TNIK: variants seen among roughly 807,000 people sequenced by gnomAD.
The protein encoded by TNIK is TRAF2 and NCK-interacting protein kinase.
A neutral mutation model predicts 191.3 loss-of-function variants in TNIK; 49 were observed. That is an observed-to-expected ratio of 0.26 (90% CI 0.20 to 0.32). TNIK has a LOEUF of 0.32. Ranked by LOEUF, TNIK falls within the 10% of genes least tolerant of loss-of-function variation. The probability of loss-of-function intolerance (pLI) is 1.00; values close to 1 mark genes in which losing one functional copy is unlikely to be tolerated. For synonymous variants in TNIK, 594 were observed against 600.9 expected, an observed-to-expected ratio of 0.99 and a Z score of 0.17; for missense variants, 1,155 against 1,702.3, an observed-to-expected ratio of 0.68 and a Z score of 5.66.
chr3:171,355,191 C>T (rs1713851678), intron 2 of TNIK, among the ~76,000 whole-genome samples: 2 of 152,158 alleles, frequency 1.3e-5, no homozygotes, highest in South Asian at 4.1e-4. Flanking sequence ...ATTTCCCCAT[C>T]CTACAGCAGA....
chr3:171,304,339 T>C (rs1753187159), intron 2 of TNIK, among the ~76,000 whole-genome samples: 6 of 152,012 alleles, frequency 3.9e-5, no homozygotes, highest in Admixed American at 3.9e-4. Context: ...AGAATGGCGA[T>C]CATTAAAAAG....
At chr3:171,105,913 C>T (rs937330143) in intron 21 of TNIK, among the ~76,000 whole-genome samples, 13 of 152,164 alleles carry the variant, frequency 8.5e-5, no homozygotes, top group Admixed American at 7.9e-4. Flanking sequence ...GCCCTTCTCA[C>T]TATTATGAGA....
intron 4 of TNIK, among the ~76,000 whole-genome samples, chr3:171,198,406 C>A (rs1320337776): frequency 6.6e-6 from 1 of 152,064 alleles, no homozygotes; most frequent in Non-Finnish European, 1.5e-5. Flanking sequence ...ACAGGAATGA[C>A]TACTTAATGG....
chr3:171,171,554 C>G (rs541628843), intron 9 of TNIK, among the ~76,000 whole-genome samples: 2 of 152,302 alleles, frequency 1.3e-5, no homozygotes, highest in South Asian at 4.2e-4. Flanking sequence ...TATGATTTTT[C>G]TAATGACCTC....
At chr3:171,385,600 T>C (rs923143339) in intron 1 of TNIK, among the ~76,000 whole-genome samples, 2 of 152,006 alleles carry the variant, frequency 1.3e-5, no homozygotes, top group Non-Finnish European at 2.9e-5. Context: ...CGGAGCTGAA[T>C]GGAAAAGGTG....
intron 2 of TNIK, among the ~76,000 whole-genome samples, chr3:171,233,931 T>G (rs1026069398): frequency 3.3e-5 from 5 of 152,220 alleles, no homozygotes; most frequent in African/African-American, 1.2e-4. Flanking sequence ...ATAATTATTT[T>G]GCTCATAAAT....
intron 18 of TNIK, among the ~76,000 whole-genome samples, chr3:171,112,657 C>G (rs186280520): frequency 6.6e-6 from 1 of 151,988 alleles, no homozygotes; most frequent in Admixed American, 6.6e-5. Flanking sequence ...TCTTTTGTAT[C>G]TATCTATAGA....
chr3:171,159,518 T>C lies in TNIK; in HGVS notation c.1016+1752A>G, dbSNP rs774599892. ...AGCCTTCTCTAAAACTTAGAGCCTT[T>C]GTGTCAAACTCTAAAACCCCAAACG... On this transcript the variant is annotated intron_variant, in intron 11 of 32. Transcript: ENST00000436636. This position sits in a 1 kb window ranked among gnomAD's most constrained non-coding sequence, Gnocchi z 4.1. Among the ~76,000 whole-genome samples, 4 of 152,150 alleles carry C rather than the reference T, an allele frequency of 2.6e-5. No individual in the cohort carries two copies. Among genetic ancestry groups the C allele is most frequent in the Non-Finnish European group, 4.4e-5 (3 of 68,028 alleles).
chr3:171,453,586 A>G (rs1728450005), intron 1 of TNIK, among the ~76,000 whole-genome samples: 1 of 152,198 alleles, frequency 6.6e-6, no homozygotes, highest in Non-Finnish European at 1.5e-5. Context: ...AAGGCCTTGA[A>G]TAAAAACAAC....
intron 27 of TNIK, among the ~76,000 whole-genome samples, chr3:171,080,603 T>C (rs1335369260): frequency 6.6e-6 from 1 of 152,124 alleles, no homozygotes. Flanking sequence ...CATGCTCAGC[T>C]AATTTTTATA....
rs1303640990 is a variant in TNIK, at chr3:171,063,540, AAACCT to A, written c.*336_*340del. The A allele has an allele frequency of 1.6e-5, 3 of 184,204 alleles. No homozygotes were observed. The highest frequency in any genetic ancestry group is 3.4e-5 in the Non-Finnish European group (3 of 89,268). 11.4% of individuals were successfully genotyped at this position (184,204 alleles called of 1,614,324 possible). A position where few individuals can be genotyped will look rare whatever the true frequency, so the allele number is the denominator to read the frequency against. ...GTAAAGGGGTAAAGAAAAAAGGTAA[AAACCT>A]GAAAACCCACCATAACACAGCTTAA... On this transcript the variant is annotated 3_prime_UTR_variant, in exon 33 of 33. Coordinates refer to ENST00000436636, the MANE Select transcript of TNIK (RefSeq NM_015028.4).
At chr3:171,318,362 C>T (rs892343936) in intron 2 of TNIK, among the ~76,000 whole-genome samples, 5 of 152,180 alleles carry the variant, frequency 3.3e-5, no homozygotes, top group Admixed American at 1.3e-4. Context: ...TCCAAGTAAT[C>T]ATTTTCCAAA....
chr3:171,316,884 T>C (rs1489266598), intron 2 of TNIK, among the ~76,000 whole-genome samples: 1 of 149,424 alleles, frequency 6.7e-6, no homozygotes, highest in East Asian at 1.9e-4. Flanking sequence ...ATACAAGCGA[T>C]TACATTTTAT....
Position 171,228,163 on chromosome 3 carries a change from A to G in TNIK, c.180+2T>C. The G allele has an allele frequency of 1.9e-6, 3 of 1,613,552 alleles. No individual in the cohort carries two copies. Among genetic ancestry groups the G allele is most frequent in the Non-Finnish European group, 2.5e-6 (3 of 1,179,584 alleles). ...TTGAGATGGCAAAATAAAGACACTTACCCCTGTGACATCCATAACCTTGAT... is the reference window on the plus strand; with the variant it reads ...TTGAGATGGCAAAATAAAGACACTTGCCCCTGTGACATCCATAACCTTGAT... On this transcript the variant is annotated splice_donor_variant, in intron 3 of 32. Coordinates refer to ENST00000436636, the MANE Select transcript of TNIK (RefSeq NM_015028.4). LOFTEE classifies it high-confidence loss of function.
At chr3:171,129,548 C>T (rs1728963064) in intron 15 of TNIK, among the ~76,000 whole-genome samples, 1 of 152,164 alleles carries the variant, frequency 6.6e-6, no homozygotes, top group Admixed American at 6.5e-5. Context: ...TTGGACTCCA[C>T]TGTCTTGCTC....
chr3:171,071,330 T>A lies in TNIK; in HGVS notation c.3449-7A>T, dbSNP rs192304760. The stretch of plus-strand genomic sequence containing the variant: ...TTGATCCTTTCATATTTAACTGTAA[T>A]AGAAAAATTATGAGTGAAAAAGTAC... On this transcript the variant is annotated splice_region_variant and splice_polypyrimidine_tract_variant and intron_variant, in intron 28 of 32. Transcript: ENST00000436636. 5.9e-3 allele frequency: 9,105 copies of A among 1,555,952 alleles called. 52 individuals are homozygous for A. Among genetic ancestry groups the A allele is most frequent in the South Asian group, 0.014 (1,148 of 83,102 alleles).
In TNIK at chr3:171,089,822, G is replaced by A. The variant is rs530042563; in HGVS notation, c.2722-2316C>T. Among the ~76,000 whole-genome samples, 5 of 152,282 alleles carry A rather than the reference G, an allele frequency of 3.3e-5. No homozygotes were observed. In the South Asian group the frequency reaches 8.3e-4, roughly 25 times the overall value. ...AAAGATGTTCTGTGTACCACCACATGCCAAGTACTGTGCTAAACACTTTAT... is the reference window on the plus strand; with the variant it reads ...AAAGATGTTCTGTGTACCACCACATACCAAGTACTGTGCTAAACACTTTAT... On this transcript the variant is annotated intron_variant, in intron 23 of 32. Transcript: ENST00000436636.
intron 2 of TNIK, among the ~76,000 whole-genome samples, chr3:171,285,219 G>C (rs1017163553): frequency 6.6e-6 from 1 of 152,038 alleles, no homozygotes; most frequent in Non-Finnish European, 1.5e-5. Flanking sequence ...TGATAAAACT[G>C]TTTTCTTTAT....
chr3:171,288,247 A>G (rs1212087256), intron 2 of TNIK, among the ~76,000 whole-genome samples: 2 of 150,620 alleles, frequency 1.3e-5, no homozygotes, highest in Non-Finnish European at 3.0e-5. Flanking sequence ...GCAGCGCACC[A>G]GCATGGCACA....
Sources: allele counts gnomAD v4.1 joint callset (sites outside exome capture counted in the v4.1 genomes callset), GRCh38; gene constraint gnomAD v4.1.1; non-coding constraint Gnocchi (gnomAD v3.1); transcripts MANE v1.5; gene names NCBI Gene and HGNC (gene_info 2026-07-23, HGNC 2026-07-21).